MACF1: variants seen among roughly 807,000 people sequenced by gnomAD.
MACF1 encodes microtubule actin crosslinking factor 1.
MACF1 carries 193 observed loss-of-function variants against 854.8 expected under a neutral mutation model. That is an observed-to-expected ratio of 0.23 (90% CI 0.20 to 0.25). The LOEUF (loss-of-function observed/expected upper bound fraction) is 0.25. MACF1 is among the 10% of genes least tolerant of loss of function. The pLI, the probability that MACF1 is intolerant of heterozygous loss-of-function variation, is 1.00. For synonymous variants in MACF1, 3,185 were observed against 3,226.7 expected (o/e 0.99, Z 0.44); for missense variants, 7,722 against 8,929.1 (o/e 0.86, Z 5.45).
chr1:39,422,042 T>C (rs1389499135), intron 58 of MACF1, among the ~76,000 whole-genome samples: 1 of 151,480 alleles, frequency 6.6e-6, no homozygotes, highest in Non-Finnish European at 1.5e-5. Flanking sequence ...GCCACTGCAC[T>C]CCAGCCTGGG....
rs34578005 is a variant in MACF1 at position 39,253,509 on chromosome 1, ATTTTTTTTTTTT to A, written c.358-778_358-767del. Among the ~76,000 whole-genome samples the A allele has an allele frequency of 6.6e-5, 6 of 91,528 alleles. No homozygotes were observed. In the South Asian group the frequency reaches 2.2e-3, roughly 34 times the overall value. 60.0% of individuals were successfully genotyped at this position (91,528 alleles called of 152,430 possible). ...CTATGGTTAAAAATCAGCTATCTGT[ATTTTTTTTTTTT>A]TTTTTTTTTTGAGGTGGAGTCTCAC... On this transcript the variant is annotated intron_variant, in intron 4 of 100. Transcript: ENST00000564288.
intron 2 of MACF1, among the ~76,000 whole-genome samples, chr1:39,113,608 T>C (rs2148147326): frequency 6.6e-6 from 1 of 152,318 alleles, no homozygotes; most frequent in East Asian, 1.9e-4. Flanking sequence ...GGTTGACACA[T>C]GGTCATACAG....
chr1:39,436,224 G>C (rs1643971814), intron 70 of MACF1, among the ~76,000 whole-genome samples: 1 of 152,088 alleles, frequency 6.6e-6, no homozygotes. Context: ...ACCAGCAGAG[G>C]GATTTAAAGC....
At chr1:39,274,428 A>G (rs925169661) in intron 6 of MACF1, among the ~76,000 whole-genome samples, 6 of 152,202 alleles carry the variant, frequency 3.9e-5, no homozygotes, top group African/African-American at 1.2e-4. Context: ...TTGCATCTGT[A>G]ATGAACATGT....
At chr1:39,233,021 TG>T (rs1644802060) in intron 2 of MACF1, among the ~76,000 whole-genome samples, 2 of 100,522 alleles carry the variant, frequency 2.0e-5, no homozygotes, top group African/African-American at 6.3e-5. Flanking sequence ...TTGTTGTTGT[TG>T]TTGTTGTTGT....
chr1:39,228,968 C>A (rs565147228), intron 1 of MACF1, among the ~76,000 whole-genome samples: 87 of 152,306 alleles, frequency 5.7e-4, no homozygotes, highest in Non-Finnish European at 1.1e-3. Context: ...AATAATACTT[C>A]TAACAGTCCC....
Position 39,194,351 on chromosome 1 carries a change from CTTTTTTTT to C in MACF1, c.221-36818_221-36811del, listed in dbSNP as rs749853544. ...CTTTTCTTTTCTTTTCTTTTCTTTTCTTTTTTTTTTTTTTTTTTTTGTGATAGAGTCTT... is the reference window on the plus strand; with the variant it reads ...CTTTTCTTTTCTTTTCTTTTCTTTTCTTTTTTTTTTTTGTGATAGAGTCTT... On this transcript the variant is annotated intron_variant, in intron 2 of 93. Transcript: ENST00000361689. 1.1e-4 allele frequency among the ~76,000 whole-genome samples: 4 copies of C among 35,534 alleles called. No individual in the cohort carries two copies. In the East Asian group the frequency reaches 5.8e-3, roughly 52 times the overall value. The allele number at this position is 35,534 out of a possible 152,430, so 23.3% of individuals were successfully genotyped here. A position where few individuals can be genotyped will look rare whatever the true frequency, so the allele number is the denominator to read the frequency against.
At chr1:39,182,436 GA>G (rs199707865) in intron 2 of MACF1, among the ~76,000 whole-genome samples, 3,383 of 152,040 alleles carry the variant, frequency 0.022, 45 homozygotes, top group Non-Finnish European at 0.034. Context: ...CAGAATGGGA[GA>G]AAATATTTGC....
chr1:39,216,878 T>TC (rs1644583416), intron 1 of MACF1, among the ~76,000 whole-genome samples: 1 of 152,164 alleles, frequency 6.6e-6, no homozygotes, highest in East Asian at 1.9e-4. Flanking sequence ...TCTCCCCCAA[T>TC]CCCACATAAT....
At chr1:39,470,631 G>A (rs1052051971) in intron 97 of MACF1, among the ~76,000 whole-genome samples, 5 of 152,158 alleles carry the variant, frequency 3.3e-5, no homozygotes, top group African/African-American at 1.2e-4. Flanking sequence ...GGGCAACAAG[G>A]CAAGACTCTT....
Position 39,303,083 on chromosome 1 carries a change from C to T in MACF1, c.2789+5C>T. 1 of 1,613,202 alleles carries T rather than the reference C, an allele frequency of 6.2e-7. No individual in the cohort carries two copies. The highest frequency in any genetic ancestry group is 8.5e-7 in the Non-Finnish European group (1 of 1,179,464). On this transcript the variant is annotated splice_donor_5th_base_variant and intron_variant, in intron 23 of 100. Transcript: ENST00000564288. Reference sequence around the variant, plus strand: ...TGCCATTGAGATGGCCAGCAGGTAACTTGGCTCAGCTGCCACTGGTACACC... The same window carrying T: ...TGCCATTGAGATGGCCAGCAGGTAATTTGGCTCAGCTGCCACTGGTACACC...
chr1:39,484,838 G>C (rs1645075297), intron 100 of MACF1, 108 bp downstream of exon 100: 1 of 1,292,020 alleles, frequency 7.7e-7, no homozygotes. Flanking sequence ...GTGGCACTTA[G>C]TGTGATGCCC....
At position 39,352,542 on chromosome 1, in the gene MACF1, G is replaced by C. The variant is rs541835151; in HGVS notation, c.11200-465G>C. On this transcript the variant is annotated intron_variant, in intron 43 of 100. Coordinates refer to ENST00000564288, the MANE Select transcript of MACF1 (RefSeq NM_001394062.1). ...CTAGGATTTGTTTTGTTTTGAGACAGAGTATTGCCGTGTCACCGAAGCTGG... is the reference window on the plus strand; with the variant it reads ...CTAGGATTTGTTTTGTTTTGAGACACAGTATTGCCGTGTCACCGAAGCTGG... Among the ~76,000 whole-genome samples the C allele has an allele frequency of 6.6e-5, 10 of 152,318 alleles. No homozygotes were observed. The South Asian group carries it at 2.1e-3, about 32-fold the overall frequency.
chr1:39,161,838 G>A (rs1255085269), intron 2 of MACF1, among the ~76,000 whole-genome samples: 3 of 151,592 alleles, frequency 2.0e-5, no homozygotes, highest in Non-Finnish European at 2.9e-5. Flanking sequence ...CTGCACTCCA[G>A]CTTGGGCGAC....
rs559225428 is a variant in MACF1, at chr1:39,459,095, T to G, written c.21206T>G (p.Leu7069Arg). The G allele has an allele frequency of 5.0e-6, 8 of 1,612,192 alleles. No individual in the cohort carries two copies. The highest frequency in any genetic ancestry group is 6.8e-6 in the Non-Finnish European group (8 of 1,179,408). Residue 7069 changes from leucine to arginine, a missense_variant, in exon 91 of 101, where the codon CTA (leucine) becomes CGA (arginine). By Grantham distance (102) the Leu-to-Arg change is moderately radical. Around this residue, in one of 15 missense-constraint regions of MACF1, gnomAD observed 729 missense variants for 900.5 expected, o/e 0.81. Transcript: ENST00000564288. ...TTATTTTTCCTTTTAGGGAAATCCCTAAGTCAGCCAACCCCTCCTCCCATG... is the reference window on the plus strand; with the variant it reads ...TTATTTTTCCTTTTAGGGAAATCCCGAAGTCAGCCAACCCCTCCTCCCATG... ...EKSRSGGRKS[L>R]SQPTPPPMPI...
At chr1:39,349,663 C>A in intron 42 of MACF1, 36 bp downstream of exon 42, 1 of 1,607,202 alleles carries the variant, frequency 6.2e-7, no homozygotes, top group Non-Finnish European at 8.5e-7. Context: ...CACAAAGTCT[C>A]GCTCTATCGC....
At position 39,336,649 on chromosome 1, in the gene MACF1, C is replaced by T. The variant is rs781765419; in HGVS notation, c.10061C>T (p.Thr3354Ile). The change falls in exon 37 of 101, where the codon ACT becomes ATT. Residue 3354 changes from threonine to isoleucine, a missense_variant. Thr to Ile is a moderately conservative substitution (Grantham distance 89). This residue lies in a region of MACF1 where 854 missense variants were observed against 852.6 expected (regional missense o/e 1.00). Coordinates refer to ENST00000564288, the MANE Select transcript of MACF1 (RefSeq NM_001394062.1). ...GTAAACCCAGAGCCCTTCAGAGCAACTCAGGTCAGTGGTGTGCTTTTTTTT... is the reference window on the plus strand; with the variant it reads ...GTAAACCCAGAGCCCTTCAGAGCAATTCAGGTCAGTGGTGTGCTTTTTTTT... Reference protein sequence around the residue: ...GGVNPEPFRATQNVFTRQLCL... With the variant: ...GGVNPEPFRAIQNVFTRQLCL... The T allele has an allele frequency of 1.3e-6, 2 of 1,588,494 alleles. No homozygotes were observed. Among genetic ancestry groups the T allele is most frequent in the Middle Eastern group, 1.7e-4 (1 of 5,766 alleles).
At chr1:39,141,867 TTA>T (rs1171608565) in intron 2 of MACF1, among the ~76,000 whole-genome samples, 4 of 152,064 alleles carry the variant, frequency 2.6e-5, no homozygotes, top group African/African-American at 4.8e-5. Flanking sequence ...TAATGGAAAG[TTA>T]TATAGTCAGA....
In MACF1 at chr1:39,105,743, G is replaced by T; in HGVS notation, c.220+21305G>T. The T allele has an allele frequency of 9.0e-7, 1 of 1,113,284 alleles. No individual in the cohort carries two copies. The highest frequency in any genetic ancestry group is 1.1e-6 in the Non-Finnish European group (1 of 894,182). The allele number at this position is 1,113,284 out of a possible 1,614,324, so 69.0% of individuals were successfully genotyped here. A position where few individuals can be genotyped will look rare whatever the true frequency, so the allele number is the denominator to read the frequency against. ...GTAGGGCCGGGGACTGGCCGGCGCT[G>T]AGGCCCGCGGGCCGGCGCAGCGTGG... On this transcript the variant is annotated intron_variant, in intron 2 of 93. Transcript: ENST00000361689. This position sits in a 1 kb window ranked among gnomAD's most constrained non-coding sequence, Gnocchi z 5.9.
Sources: allele counts gnomAD v4.1 joint callset (sites outside exome capture counted in the v4.1 genomes callset), GRCh38; gene constraint gnomAD v4.1.1; regional missense constraint gnomAD v4.1.1; non-coding constraint Gnocchi (gnomAD v3.1); transcripts MANE v1.5; gene names NCBI Gene and HGNC (gene_info 2026-07-23, HGNC 2026-07-21).